RWDD4: variants seen among roughly 807,000 people sequenced by gnomAD.
The protein encoded by RWDD4 is RWD domain-containing protein 4.
In RWDD4, 16 loss-of-function variants were observed where a neutral mutation model predicts 30.0. The ratio of observed to expected loss-of-function variants is 0.53; its 90% CI spans 0.36 to 0.81. RWDD4 has a LOEUF of 0.81. RWDD4 is among the 30% of genes least tolerant of loss of function. RWDD4 has a pLI of 0.00. For synonymous variants in RWDD4, 45 were observed against 72.1 expected, an observed-to-expected ratio of 0.62 and a Z score of 1.90; for missense variants, 170 against 223.9, an observed-to-expected ratio of 0.76 and a Z score of 1.54.
rs1734314825 is a variant in RWDD4, at chr4:183,659,143, G to A, written c.-191C>T. On this transcript the variant is annotated 5_prime_UTR_variant, in exon 1 of 8. Coordinates refer to ENST00000326397, the MANE Select transcript of RWDD4 (RefSeq NM_152682.4). ...AGCGCCCAGCCGCCGGCAGTGGGCT[G>A]TGGGCTACGAGCCGGAGCCGCGGCT... 2 of 419,320 alleles carry A rather than the reference G, an allele frequency of 4.8e-6. No individual in the cohort carries two copies. The highest frequency in any genetic ancestry group is 4.1e-6 in the Non-Finnish European group (1 of 246,454). 26.0% of individuals were successfully genotyped at this position (419,320 alleles called of 1,614,324 possible).
intron 7 of RWDD4, among the ~76,000 whole-genome samples, chr4:183,643,738 GAAACCCCATCTCTACTA>G (rs1733914600): frequency 6.6e-6 from 1 of 152,114 alleles, no homozygotes; most frequent in African/African-American, 2.4e-5. Context: ...CCAACATGGT[GAAACCCCATCTCTACTA>G]AAAAATACCA....
chr4:183,655,445 C>G (rs191273348), intron 2 of RWDD4, among the ~76,000 whole-genome samples: 10 of 151,774 alleles, frequency 6.6e-5, no homozygotes, highest in Non-Finnish European at 1.2e-4. Flanking sequence ...CCATGCCCGG[C>G]TAATTTTTTG....
chr4:183,646,577 C>T (rs536313667), intron 5 of RWDD4, 40 bp from the exon 6 acceptor site: 3 of 1,556,788 alleles, frequency 1.9e-6, no homozygotes, highest in South Asian at 2.3e-5. Context: ...CTAAGACCAA[C>T]CAGCTAGTTT....
At chr4:183,656,100 G>C (rs2111253232) in intron 1 of RWDD4, 139 bp from the exon 2 acceptor site, 2 of 597,978 alleles carry the variant, frequency 3.3e-6, no homozygotes, top group East Asian at 5.5e-5. Context: ...TACCACATAG[G>C]TGCATGCAGC....
intron 7 of RWDD4, 80 bp downstream of exon 7, chr4:183,646,271 C>T: frequency 1.3e-6 from 1 of 751,754 alleles, no homozygotes; most frequent in South Asian, 1.5e-5. Flanking sequence ...GCAAATTTTC[C>T]ATTACTTAAA....
intron 2 of RWDD4, among the ~76,000 whole-genome samples, chr4:183,653,394 C>A (rs1216007128): frequency 2.7e-5 from 4 of 150,552 alleles, no homozygotes; most frequent in African/African-American, 2.5e-5. Flanking sequence ...CACAGCAAGA[C>A]CCTGTCTCTA....
intron 2 of RWDD4, among the ~76,000 whole-genome samples, chr4:183,652,665 C>T (rs914742722): frequency 3.3e-5 from 5 of 152,002 alleles, no homozygotes; most frequent in Admixed American, 3.3e-4. Context: ...CAAAAATTAG[C>T]TGGGCATGGT....
intron 2 of RWDD4, among the ~76,000 whole-genome samples, chr4:183,653,198 G>GA (rs1400115471): frequency 8.5e-5 from 13 of 152,236 alleles, no homozygotes; most frequent in Admixed American, 2.6e-4. Context: ...ATCATCACTG[G>GA]TGACACTAAG....
At chr4:183,642,747 C>T (rs1012954530) in intron 7 of RWDD4, among the ~76,000 whole-genome samples, 9 of 152,046 alleles carry the variant, frequency 5.9e-5, no homozygotes, top group Non-Finnish European at 8.8e-5. Context: ...CTCTGGAAAA[C>T]GCCAGAGAAG....
chr4:183,650,324 T>C (rs1579127852), intron 4 of RWDD4, among the ~76,000 whole-genome samples: 1 of 152,182 alleles, frequency 6.6e-6, no homozygotes, highest in African/African-American at 2.4e-5. Context: ...TGGGGTTCTG[T>C]GTCCTGTTGG....
intron 2 of RWDD4, among the ~76,000 whole-genome samples, chr4:183,655,224 A>G (rs112284490): frequency 0.07 from 10,659 of 152,188 alleles, 1,242 homozygotes; most frequent in African/African-American, 0.24. Context: ...TAAAGGTGTG[A>G]GCCACTGTGC....
At chr4:183,646,589 A>G in intron 5 of RWDD4, 52 bp from the exon 6 acceptor site, 1 of 1,515,572 alleles carries the variant, frequency 6.6e-7, no homozygotes. Flanking sequence ...AGCTAGTTTT[A>G]TAATAATTAA....
chr4:183,648,367 A>C (rs1734005945), intron 5 of RWDD4, among the ~76,000 whole-genome samples: 1 of 152,240 alleles, frequency 6.6e-6, no homozygotes, highest in African/African-American at 2.4e-5. Context: ...TAAATGTGCA[A>C]GTACACAAAT....
chr4:183,649,240 C>A (rs1324144373), intron 5 of RWDD4, among the ~76,000 whole-genome samples: 2 of 151,990 alleles, frequency 1.3e-5, no homozygotes, highest in Non-Finnish European at 2.9e-5. Flanking sequence ...ATGGTGAAAC[C>A]CCGTCTCTAC....
chr4:183,651,180 A>T (rs759317964), intron 3 of RWDD4, 38 bp downstream of exon 3: 6 of 1,600,428 alleles, frequency 3.7e-6, no homozygotes, highest in Non-Finnish European at 5.1e-6. Flanking sequence ...TATAACAGAG[A>T]GTGAAATGAA....
At chr4:183,643,592 A>C (rs1733912003) in intron 7 of RWDD4, among the ~76,000 whole-genome samples, 1 of 151,796 alleles carries the variant, frequency 6.6e-6, no homozygotes, top group Non-Finnish European at 1.5e-5. Flanking sequence ...TCAGAGACCA[A>C]ATTATGTCTA....
At chr4:183,657,557 T>C (rs996577007) in intron 1 of RWDD4, among the ~76,000 whole-genome samples, 3 of 152,162 alleles carry the variant, frequency 2.0e-5, no homozygotes, top group Non-Finnish European at 4.4e-5. Context: ...TACCTAAATG[T>C]AGAAGTTGAA....
chr4:183,655,492 G>C (rs1362158849), intron 2 of RWDD4, among the ~76,000 whole-genome samples: 2 of 151,948 alleles, frequency 1.3e-5, no homozygotes, highest in African/African-American at 2.4e-5. Context: ...CACCATGTTG[G>C]CCAGGATGGT....
chr4:183,642,864 C>T (rs1003421448), intron 7 of RWDD4, among the ~76,000 whole-genome samples: 3 of 150,782 alleles, frequency 2.0e-5, no homozygotes, highest in East Asian at 4.1e-4. Flanking sequence ...TGAGACCATC[C>T]TGGCTAACAC....
Sources: allele counts gnomAD v4.1 joint callset (sites outside exome capture counted in the v4.1 genomes callset), GRCh38; gene constraint gnomAD v4.1.1; transcripts MANE v1.5; gene names NCBI Gene and HGNC (gene_info 2026-07-23, HGNC 2026-07-21).